CHST8: variants seen among roughly 807,000 people sequenced by gnomAD.
The protein encoded by CHST8 is GALNAC-4-ST1.
A neutral mutation model predicts 15.0 loss-of-function variants in CHST8; 10 were observed. The observed-to-expected ratio is 0.67, with a 90% CI of 0.41 to 1.13. The LOEUF is 1.13. CHST8 is among the 50% of genes most tolerant of loss of function. The pLI is 0.00. For missense variants in CHST8, 634 were observed against 608.2 expected (o/e 1.04, Z -0.45); for synonymous variants, 259 against 256.6 (o/e 1.01, Z -0.09).
chr19:33,753,460 A>T (rs1413846726), intron 3 of CHST8, among the ~76,000 whole-genome samples: 1 of 47,094 alleles, frequency 2.1e-5, no homozygotes, highest in Non-Finnish European at 3.9e-5. Context: ...CCCACCCACC[A>T]TCCTCCCACC....
rs869057036 is a variant in CHST8, at chr19:33,650,518, C to CTTTTTTTTTTTTTTTTTTTTTTTTTT, written c.-163-17245_-163-17220dup. Reference sequence around the variant, plus strand: ...TTCTTTTTCTTTTTCTTTTTCTTTTCTTTTTTTTTTTTTTTTTTTTTTTTT... The same window carrying CTTTTTTTTTTTTTTTTTTTTTTTTTT: ...TTCTTTTTCTTTTTCTTTTTCTTTTCTTTTTTTTTTTTTTTTTTTTTTTTTTTTTTTTTTTTTTTTTTTTTTTTTTT... On this transcript the variant is annotated intron_variant, in intron 1 of 4. Coordinates refer to ENST00000650847, the MANE Select transcript of CHST8 (RefSeq NM_001127895.2). Among the ~76,000 whole-genome samples, 55 of 36,120 alleles carry CTTTTTTTTTTTTTTTTTTTTTTTTTT rather than the reference C, an allele frequency of 1.5e-3. 4 individuals are homozygous for CTTTTTTTTTTTTTTTTTTTTTTTTTT. The highest frequency in any genetic ancestry group is 2.1e-3 in the Non-Finnish European group (43 of 20,906). The allele number at this position is 36,120 out of a possible 152,430, so 23.7% of individuals were successfully genotyped here.
chr19:33,742,314 C>G (rs574694170), intron 3 of CHST8, among the ~76,000 whole-genome samples: 3 of 152,132 alleles, frequency 2.0e-5, no homozygotes, highest in Admixed American at 6.5e-5. Flanking sequence ...TTAAAAGAAA[C>G]GAGGCTTATT....
Position 33,772,716 on chromosome 19 carries a change from G to C in CHST8, c.928G>C (p.Glu310Gln). Residue 310 changes from glutamate (E) to glutamine (Q), a missense_variant, in exon 5 of 5, where the codon GAG becomes CAG. Physicochemically the swap from Glu to Gln is conservative, Grantham distance 29 (BLOSUM62 2). Transcript: ENST00000650847. ...LRTGSGVRFP[E>Q]FVQYLLDVHR... is the part of the protein sequence containing the mutation. ...GACCGGCTCTGGGGTGCGTTTTCCCGAGTTCGTCCAGTACCTGCTGGACGT... is the reference window on the plus strand; with the variant it reads ...GACCGGCTCTGGGGTGCGTTTTCCCCAGTTCGTCCAGTACCTGCTGGACGT... 1 of 1,613,342 alleles carries C rather than the reference G, an allele frequency of 6.2e-7. No homozygotes were observed. Among genetic ancestry groups the C allele is most frequent in the Non-Finnish European group, 8.5e-7 (1 of 1,179,946 alleles).
chr19:33,718,674 G>A (rs1373659942), intron 3 of CHST8, among the ~76,000 whole-genome samples: 2 of 152,206 alleles, frequency 1.3e-5, no homozygotes, highest in Admixed American at 6.5e-5. Context: ...TGGGATCTCA[G>A]GAGGAAGATG....
chr19:33,623,097 C>T lies in CHST8; in HGVS notation c.-164+801C>T, dbSNP rs151294245. Among the ~76,000 whole-genome samples the T allele has an allele frequency of 5.6e-3, 852 of 152,276 alleles. 11 individuals are homozygous for T. Among genetic ancestry groups the T allele is most frequent in the African/African-American group, 0.02 (814 of 41,564 alleles). ...GTTTTGGCAGTGCCCGATGCTGGGG[C>T]TTGGGTCTGATGTGACCCCGATTCC... On this transcript the variant is annotated intron_variant, in intron 1 of 4. Transcript: ENST00000650847.
At chr19:33,639,086 CAAAAAAAAA>C (rs34970478) in intron 1 of CHST8, among the ~76,000 whole-genome samples, 1 of 64,672 alleles carries the variant, frequency 1.5e-5, no homozygotes, top group Non-Finnish European at 2.9e-5. Flanking sequence ...TGATCCTGAC[CAAAAAAAAA>C]AAAAAAAAAA....
At chr19:33,748,135 G>A (rs779525684) in intron 3 of CHST8, among the ~76,000 whole-genome samples, 18 of 152,286 alleles carry the variant, frequency 1.2e-4, no homozygotes, top group East Asian at 5.8e-4. Flanking sequence ...CAGGCTGTTC[G>A]CACTGTCTGA....
intron 3 of CHST8, 22 bp downstream of exon 3, chr19:33,689,413 T>A: frequency 6.5e-7 from 1 of 1,546,156 alleles, no homozygotes; most frequent in Non-Finnish European, 8.7e-7. Flanking sequence ...CGCTGAGTCC[T>A]GCCATCACTG....
rs771251957 is a variant in CHST8 at position 33,773,108 on chromosome 19, C to T, written c.*45C>T. 5.9e-6 allele frequency: 9 copies of T among 1,534,568 alleles called. No individual in the cohort carries two copies. Among genetic ancestry groups the T allele is most frequent in the Middle Eastern group, 1.9e-4 (1 of 5,178 alleles). ...GGGCCGCCCTGCCCCGGTCACTCAC[C>T]TGTGCTCCCGGGCATCCTCCTGTCC... On this transcript the variant is annotated 3_prime_UTR_variant, in exon 5 of 5. Transcript: ENST00000650847.
At chr19:33,707,881 A>G (rs1175140195) in intron 3 of CHST8, among the ~76,000 whole-genome samples, 1 of 152,234 alleles carries the variant, frequency 6.6e-6, no homozygotes, top group Non-Finnish European at 1.5e-5. Context: ...CCAGCAGGGT[A>G]TGAAGGTTCC....
intron 1 of CHST8, among the ~76,000 whole-genome samples, chr19:33,664,379 C>T (rs888883963): frequency 1.3e-5 from 2 of 150,862 alleles, no homozygotes; most frequent in African/African-American, 4.9e-5. Flanking sequence ...TGATGCGCTG[C>T]ACCCACTAAC....
At chr19:33,752,219 C>T (rs940211104) in intron 3 of CHST8, among the ~76,000 whole-genome samples, 2 of 152,234 alleles carry the variant, frequency 1.3e-5, no homozygotes, top group African/African-American at 4.8e-5. Flanking sequence ...TGCCCGCCGC[C>T]TAGGGGGAAG....
At chr19:33,628,674 C>T (rs1212427898) in intron 1 of CHST8, among the ~76,000 whole-genome samples, 2 of 152,194 alleles carry the variant, frequency 1.3e-5, no homozygotes, top group Non-Finnish European at 2.9e-5. Context: ...GGTTGAGCCC[C>T]TAGTTCATGA....
intron 3 of CHST8, among the ~76,000 whole-genome samples, chr19:33,711,108 G>C (rs916063499): frequency 2.0e-5 from 3 of 152,172 alleles, no homozygotes; most frequent in African/African-American, 4.8e-5. Context: ...CTGATATCAA[G>C]CAATCTTCCT....
intron 1 of CHST8, among the ~76,000 whole-genome samples, chr19:33,641,600 A>C (rs891547029): frequency 6.6e-6 from 1 of 152,144 alleles, no homozygotes; most frequent in Non-Finnish European, 1.5e-5. Context: ...ATGGAAGGGA[A>C]GAAGGGGGCT....
intron 1 of CHST8, among the ~76,000 whole-genome samples, chr19:33,636,954 AG>A (rs1248053331): frequency 6.6e-6 from 1 of 152,248 alleles, no homozygotes; most frequent in African/African-American, 2.4e-5. Flanking sequence ...TAGACACAGC[AG>A]CCCCCAACCA....
intron 1 of CHST8, among the ~76,000 whole-genome samples, chr19:33,660,814 C>T (rs1972576159): frequency 6.6e-6 from 1 of 152,218 alleles, no homozygotes; most frequent in South Asian, 2.1e-4. Context: ...GGTGCACTGC[C>T]TGTGAGTTAG....
chr19:33,718,768 G>T (rs1053575968), intron 3 of CHST8, among the ~76,000 whole-genome samples: 1 of 152,218 alleles, frequency 6.6e-6, no homozygotes, highest in African/African-American at 2.4e-5. Flanking sequence ...CGCAGCCTGC[G>T]GAGGAGGGTG....
intron 2 of CHST8, among the ~76,000 whole-genome samples, chr19:33,676,428 G>C (rs1400771907): frequency 6.6e-6 from 1 of 152,102 alleles, no homozygotes; most frequent in African/African-American, 2.4e-5. Flanking sequence ...AAATTAGCCA[G>C]ACGTGGTGGC....
Sources: gnomAD v4.1 joint callset for allele counts (sites outside exome capture counted in the v4.1 genomes callset) on GRCh38, gnomAD v4.1.1 for gene constraint, MANE v1.5 for transcripts, NCBI Gene and HGNC (gene_info 2026-07-23, HGNC 2026-07-21) for gene names.